The following NID1 variants were observed in gnomAD, a reference collection of about 807,000 sequenced individuals.
NID1 encodes the protein nidogen-1.
Under a neutral mutation model 130.6 loss-of-function variants are expected in NID1, and 76 were observed. The observed-to-expected ratio is 0.58, with a 90% confidence interval of 0.48 to 0.70. The LOEUF (loss-of-function observed/expected upper bound fraction) is 0.70. NID1 is among the 30% of genes least tolerant of loss of function. The probability of loss-of-function intolerance (pLI) is 0.00; values close to 1 mark genes in which losing one functional copy is unlikely to be tolerated. For missense variants in NID1, 1,517 were observed against 1,664.8 expected (o/e 0.91, Z 1.54); for synonymous variants, 665 against 675.1 (o/e 0.98, Z 0.23).
chr1:236,064,698 A>G, intron 1 of NID1, 157 bp downstream of exon 1: 1 of 687,778 alleles, frequency 1.5e-6, no homozygotes, highest in South Asian at 1.6e-5. Context: ...ACCTTCGCGG[A>G]CCCTGCAGAG....
chr1:236,041,894 A>G lies in NID1; in HGVS notation c.1135+16T>C, dbSNP rs563448668. On this transcript the variant is annotated intron_variant, in intron 4 of 19. Transcript: ENST00000264187. Reference sequence around the variant, plus strand: ...ACATCCAAGATCGTTACCAACTGCAACTTAAATGGTCTTACCAACTCCTGT... The same window carrying G: ...ACATCCAAGATCGTTACCAACTGCAGCTTAAATGGTCTTACCAACTCCTGT... The G allele has an allele frequency of 6.3e-7, 1 of 1,588,692 alleles. No homozygotes were observed. The highest frequency in any genetic ancestry group is 1.1e-5 in the South Asian group (1 of 88,426).
chr1:235,994,456 C>A (rs1657863575), intron 12 of NID1, among the ~76,000 whole-genome samples: 2 of 152,230 alleles, frequency 1.3e-5, no homozygotes, highest in Non-Finnish European at 2.9e-5. Flanking sequence ...GCCACTGCGC[C>A]CTGCCAAGTG....
At chr1:236,030,190 A>G (rs1393141640) in intron 6 of NID1, among the ~76,000 whole-genome samples, 1 of 152,226 alleles carries the variant, frequency 6.6e-6, no homozygotes, top group Non-Finnish European at 1.5e-5. Context: ...TGAAATAGCT[A>G]CGTCCTGGTT....
chr1:236,032,674 G>C (rs1420529706), intron 5 of NID1, 22 bp from the exon 6 acceptor site: 13 of 1,612,150 alleles, frequency 8.1e-6, no homozygotes, highest in Non-Finnish European at 1.1e-5. Flanking sequence ...AACAAAGAAA[G>C]AATATAGAGA....
Position 236,025,909 on chromosome 1 carries a change from A to T in NID1, c.1971T>A (p.Ile657=). 1 of 1,613,904 alleles carries T rather than the reference A, an allele frequency of 6.2e-7. No homozygotes were observed. Among genetic ancestry groups the T allele is most frequent in the Admixed American group, 1.7e-5 (1 of 60,006 alleles). The change falls in exon 8 of 20, where the codon ATT becomes ATA. Residue 657 remains isoleucine (I), a synonymous_variant. Transcript: ENST00000264187. ...GTATCCCCTTACCCCTCACAGGCCCAATGGAGTTGCTGAGAGCATAGCGCA... is the reference window on the plus strand; with the variant it reads ...GTATCCCCTTACCCCTCACAGGCCCTATGGAGTTGCTGAGAGCATAGCGCA... ...KILRYALSNS[I]GPVREGSPDA...
At chr1:236,014,247 C>T (rs1360181739) in intron 10 of NID1, among the ~76,000 whole-genome samples, 4 of 137,788 alleles carry the variant, frequency 2.9e-5, no homozygotes, top group Admixed American at 2.3e-4. Flanking sequence ...CTCTGTCTGT[C>T]TGCACTTAAG....
chr1:236,005,466 T>C (rs961372656), intron 12 of NID1, among the ~76,000 whole-genome samples: 28 of 152,314 alleles, frequency 1.8e-4, no homozygotes, highest in African/African-American at 6.7e-4. Flanking sequence ...TGCAAAATGA[T>C]TCATATGCCA....
rs1357346779 is a variant in NID1, at chr1:236,045,568, T to C, written c.641A>G (p.Gln214Arg). The C allele has an allele frequency of 6.2e-6, 10 of 1,613,998 alleles. No individual in the cohort carries two copies. The highest frequency in any genetic ancestry group is 8.5e-6 in the Non-Finnish European group (10 of 1,180,022). Reference protein sequence around the residue: ...HTTFSKKENNQVPAVVAFSQG... With the variant: ...HTTFSKKENNRVPAVVAFSQG... ...ACTGAATGCAACCACGGCAGGAACT[T>C]GGTTGTTTTCCTTCTTTGAGAATGT... is the stretch of plus-strand genomic sequence containing the variant. The change falls in exon 3 of 20, where the codon CAA becomes CGA. Residue 214 changes from glutamine (Q) to arginine (R), a missense_variant. Gln to Arg is a conservative substitution (Grantham distance 43). This residue lies in a region of NID1 where 1,329 missense variants were observed against 1,429.2 expected (regional missense o/e 0.93). Transcript: ENST00000264187.
intron 1 of NID1, among the ~76,000 whole-genome samples, chr1:236,063,544 GAT>G (rs1482707678): frequency 1.3e-5 from 2 of 151,962 alleles, no homozygotes; most frequent in African/African-American, 4.8e-5. Flanking sequence ...AAGAGCATAA[GAT>G]GTGTGTTTTT....
At chr1:236,056,411 A>G (rs926097688) in intron 1 of NID1, among the ~76,000 whole-genome samples, 9 of 152,348 alleles carry the variant, frequency 5.9e-5, no homozygotes, top group African/African-American at 1.9e-4. Flanking sequence ...TGATACATGC[A>G]TACATACAAT....
At position 236,013,458 on chromosome 1, in the gene NID1, G is replaced by T. The variant is rs1281927432; in HGVS notation, c.2357C>A (p.Thr786Asn). ...AGAAAAGCCTGGCAAGCAGGAACAG[G>T]TGTAGGAGGAGCCTCCTGTGTAGAT... Reference protein sequence around the residue: ...QCIYTGGSSYTCSCLPGFSGD... With the variant: ...QCIYTGGSSYNCSCLPGFSGD... The change falls in exon 11 of 20, where the codon ACC (threonine) becomes AAC (asparagine). Residue 786 changes from threonine (T) to asparagine (N), a missense_variant. Transcript: ENST00000264187. The T allele has an allele frequency of 6.2e-7, 1 of 1,614,158 alleles. No homozygotes were observed. Among genetic ancestry groups the T allele is most frequent in the Non-Finnish European group, 8.5e-7 (1 of 1,180,034 alleles).
In NID1 at chr1:236,042,154, G is replaced by A. The variant is rs1212721909; in HGVS notation, c.891C>T (p.Asp297=). ...AEYDDEDEDY[D]LATTRLGLED... ...CCAGGCCCAGACGAGTGGTCGCCAG[G>A]TCATAATCTTCATCCTCATCATCAT... The change falls in exon 4 of 20, where the codon GAC becomes GAT. Residue 297 remains aspartate (D), a synonymous_variant. Coordinates refer to ENST00000264187, the MANE Select transcript of NID1 (RefSeq NM_002508.3). 2 of 1,614,014 alleles carry A rather than the reference G, an allele frequency of 1.2e-6. No individual in the cohort carries two copies. Among genetic ancestry groups the A allele is most frequent in the Non-Finnish European group, 1.7e-6 (2 of 1,180,016 alleles).
rs955693365 is a variant in NID1 at position 235,976,194 on chromosome 1, C to T, written c.*1673G>A. The T allele has an allele frequency of 6.6e-6, 1 of 152,162 alleles. No homozygotes were observed. The highest frequency in any genetic ancestry group is 1.5e-5 in the Non-Finnish European group (1 of 68,026). The allele number at this position is 152,162 out of a possible 1,614,324, so 9.4% of individuals were successfully genotyped here. A position where few individuals can be genotyped will look rare whatever the true frequency, so the allele number is the denominator to read the frequency against. On this transcript the variant is annotated 3_prime_UTR_variant, in exon 20 of 20. Coordinates refer to ENST00000264187, the MANE Select transcript of NID1 (RefSeq NM_002508.3). ...ACAAACTCCAATTATTCAAGGAAGACTTTCTTTCAATTCAGGTTCCAATGT... is the reference window on the plus strand; with the variant it reads ...ACAAACTCCAATTATTCAAGGAAGATTTTCTTTCAATTCAGGTTCCAATGT...
Position 236,032,693 on chromosome 1 carries a change from A to C in NID1, c.1286-41T>G, listed in dbSNP as rs748017618. The C allele has an allele frequency of 2.5e-6, 4 of 1,605,140 alleles. No individual in the cohort carries two copies. The Admixed American group carries it at 6.8e-5, about 27-fold the overall frequency. On this transcript the variant is annotated intron_variant, in intron 5 of 19. Transcript: ENST00000264187. ...AAGAAAGAATATAGAGATCACTTCC[A>C]AGCCAGTCTTTCAAACACGAGTAAT...
Position 235,979,011 on chromosome 1 carries a change from C to T in NID1, c.3606G>A (p.Leu1202=), listed in dbSNP as rs1273318248. The T allele has an allele frequency of 1.2e-6, 2 of 1,613,366 alleles. No individual in the cohort carries two copies. Among genetic ancestry groups the T allele is most frequent in the Non-Finnish European group, 8.5e-7 (1 of 1,179,384 alleles). ...QTRLYGITTA[L]SQCPQGHNYC... ...GAGAGTTACCTTGCGGACACTGAGA[C>T]AGGGCCGTGGTGATGCCATACAGCC... The change falls in exon 19 of 20, where the codon CTG becomes CTA. Residue 1202 remains leucine, a synonymous_variant. Transcript: ENST00000264187. This position sits in a 1 kb window ranked among gnomAD's most constrained non-coding sequence, Gnocchi z 4.6.
rs746057276 is a variant in NID1, at chr1:236,038,141, A to C, written c.1248T>G (p.Ala416=). 5.0e-6 allele frequency: 8 copies of C among 1,609,338 alleles called. No individual in the cohort carries two copies. The highest frequency in any genetic ancestry group is 6.8e-6 in the Non-Finnish European group (8 of 1,176,128). Reference sequence around the variant, plus strand: ...ATTGCCTGCCATTGCCCGTATAGCCAGCGACACAGCTGCAGCAGAAGCCCG... The same window carrying C: ...ATTGCCTGCCATTGCCCGTATAGCCCGCGACACAGCTGCAGCAGAAGCCCG... ...YATGFCCSCV[A]GYTGNGRQCV... Residue 416 remains alanine, a synonymous_variant, in exon 5 of 20, where the codon GCT becomes GCG. Transcript: ENST00000264187.
intron 12 of NID1, among the ~76,000 whole-genome samples, chr1:236,010,137 A>G (rs1427015858): frequency 1.3e-5 from 2 of 152,198 alleles, no homozygotes; most frequent in Non-Finnish European, 2.9e-5. Context: ...GTGTTGACTC[A>G]AATGATCATA....
intron 1 of NID1, among the ~76,000 whole-genome samples, chr1:236,055,854 T>G (rs189958390): frequency 6.8e-4 from 104 of 151,998 alleles, no homozygotes; most frequent in African/African-American, 2.4e-3. Flanking sequence ...AGTGTATAAG[T>G]TTAGGGTGTA....
At chr1:236,032,770 G>T in intron 5 of NID1, 118 bp from the exon 6 acceptor site, 1 of 1,340,104 alleles carries the variant, frequency 7.5e-7, no homozygotes, top group East Asian at 2.5e-5. Context: ...AAACAGCACT[G>T]GGGTCAATGG....
Sources: allele counts gnomAD v4.1 joint callset (sites outside exome capture counted in the v4.1 genomes callset), GRCh38; gene constraint gnomAD v4.1.1; regional missense constraint gnomAD v4.1.1; non-coding constraint Gnocchi (gnomAD v3.1); transcripts MANE v1.5; gene names NCBI Gene and HGNC (gene_info 2026-07-23, HGNC 2026-07-21).